The following KCNJ6 variants were observed in gnomAD, a reference collection of about 807,000 sequenced individuals.
KCNJ6 encodes the protein G protein-activated inward rectifier potassium channel 2.
A neutral mutation model predicts 34.2 loss-of-function variants in KCNJ6; 9 were observed. The observed-to-expected ratio is 0.26, with a 90% CI of 0.16 to 0.46. The LOEUF (loss-of-function observed/expected upper bound fraction) is 0.46, where lower values mean the gene tolerates loss of function less well. Among genes scored for constraint, KCNJ6 ranks in the 20% least tolerant of loss-of-function variants. The pLI is 1.00. For missense variants in KCNJ6, 236 were observed against 531.3 expected, an observed-to-expected ratio of 0.44 and a Z score of 5.46; for synonymous variants, 196 against 207.1, an observed-to-expected ratio of 0.95 and a Z score of 0.46.
At chr21:37,768,060 A>G (rs191834795) in intron 2 of KCNJ6, among the ~76,000 whole-genome samples, 1 of 151,118 alleles carries the variant, frequency 6.6e-6, no homozygotes, top group East Asian at 2.0e-4. Context: ...TTAAATTAAA[A>G]TACTGTAGGT....
intron 2 of KCNJ6, among the ~76,000 whole-genome samples, chr21:37,717,883 C>T (rs1230076686): frequency 6.6e-6 from 1 of 152,190 alleles, no homozygotes; most frequent in Non-Finnish European, 1.5e-5. Flanking sequence ...TCCTGCCTCC[C>T]CTCCATCTCC....
intron 1 of KCNJ6, among the ~76,000 whole-genome samples, chr21:37,908,101 C>T (rs1000578924): frequency 8.5e-5 from 13 of 152,178 alleles, no homozygotes; most frequent in Admixed American, 5.9e-4. Flanking sequence ...ATAATGTTTT[C>T]CCCTGCATGA....
intron 2 of KCNJ6, among the ~76,000 whole-genome samples, chr21:37,793,545 C>CCA (rs1183859129): frequency 1.5e-4 from 3 of 19,898 alleles, no homozygotes; most frequent in South Asian, 1.9e-3. Flanking sequence ...GACTCCATCT[C>CCA]AAAAAAAAAA....
At chr21:37,792,681 G>C (rs1037032753) in intron 2 of KCNJ6, among the ~76,000 whole-genome samples, 1 of 152,128 alleles carries the variant, frequency 6.6e-6, no homozygotes, top group African/African-American at 2.4e-5. Context: ...GGGAGTCTCA[G>C]CCAGGGTAAG....
intron 2 of KCNJ6, among the ~76,000 whole-genome samples, chr21:37,797,869 A>C (rs1468023206): frequency 6.6e-6 from 1 of 152,170 alleles, no homozygotes; most frequent in Non-Finnish European, 1.5e-5. Context: ...AATGAAGGGA[A>C]ATGGGTCCAG....
At chr21:37,773,107 T>C (rs62221963) in intron 2 of KCNJ6, among the ~76,000 whole-genome samples, 25,172 of 152,224 alleles carry the variant, frequency 0.17, 2,706 homozygotes, top group South Asian at 0.25. Flanking sequence ...CTGTGGCCTG[T>C]ATACAGTAGG....
chr21:37,711,050 G>C (rs1301065601), intron 3 of KCNJ6, among the ~76,000 whole-genome samples: 1 of 152,222 alleles, frequency 6.6e-6, no homozygotes. Context: ...GGGCTGTTCT[G>C]CGTGGGCATG....
chr21:37,914,193 T>A (rs2055882337), intron 1 of KCNJ6, among the ~76,000 whole-genome samples: 1 of 152,148 alleles, frequency 6.6e-6, no homozygotes, highest in African/African-American at 2.4e-5. Flanking sequence ...ATGGATGATT[T>A]GCAAGCTTCT....
chr21:37,667,312 A>T (rs2054519435), intron 3 of KCNJ6, among the ~76,000 whole-genome samples: 1 of 152,014 alleles, frequency 6.6e-6, no homozygotes, highest in African/African-American at 2.4e-5. Context: ...GAATTGGAGA[A>T]TTCTCTACTG....
At chr21:37,848,043 G>C (rs1049192562) in intron 1 of KCNJ6, among the ~76,000 whole-genome samples, 1 of 152,208 alleles carries the variant, frequency 6.6e-6, no homozygotes, top group Non-Finnish European at 1.5e-5. Flanking sequence ...AGAAGAGCAG[G>C]AGGCTGGCAT....
chr21:37,849,220 C>T (rs968485262), intron 1 of KCNJ6, among the ~76,000 whole-genome samples: 3 of 152,168 alleles, frequency 2.0e-5, no homozygotes, highest in Admixed American at 1.3e-4. Flanking sequence ...TCCCTAGCTT[C>T]CCAGGACTCA....
At chr21:37,745,489 T>C (rs2054963352) in intron 2 of KCNJ6, among the ~76,000 whole-genome samples, 1 of 151,942 alleles carries the variant, frequency 6.6e-6, no homozygotes, top group South Asian at 2.1e-4. Flanking sequence ...GCCTGTAGAA[T>C]CTGGGAAAGG....
In KCNJ6 at chr21:37,727,559, A is replaced by G. The variant is rs148764451; in HGVS notation, c.26-12428T>C. Among the ~76,000 whole-genome samples the G allele has an allele frequency of 1.2e-4, 18 of 152,208 alleles. No homozygotes were observed. In the East Asian group the frequency reaches 3.1e-3, roughly 26 times the overall value. ...TTTTGAATACTTTTACATGTTGAGAAGGAGCCAAAAGGGTTTAGGTTGATG... is the reference window on the plus strand; with the variant it reads ...TTTTGAATACTTTTACATGTTGAGAGGGAGCCAAAAGGGTTTAGGTTGATG... On this transcript the variant is annotated intron_variant, in intron 2 of 3. Transcript: ENST00000609713.
chr21:37,832,385 C>T (rs1013615305), intron 2 of KCNJ6, among the ~76,000 whole-genome samples: 8 of 151,838 alleles, frequency 5.3e-5, no homozygotes, highest in East Asian at 1.9e-4. Context: ...AGCTCTGCCC[C>T]GCGTGAGGTG....
Position 37,617,289 on chromosome 21 carries a change from G to A in KCNJ6, c.*7870C>T. On this transcript the variant is annotated 3_prime_UTR_variant, in exon 4 of 4. Transcript: ENST00000609713. ...GCTGGAGTGCAGTGGCATGATCTCA[G>A]CTTACTGCAACCTCCCCCTCCCAAG... 6.6e-6 allele frequency: 1 copy of A among 150,852 alleles called. No individual in the cohort carries two copies. The allele number at this position is 150,852 out of a possible 1,614,324, so 9.3% of individuals were successfully genotyped here. A position where few individuals can be genotyped will look rare whatever the true frequency, so the allele number is the denominator to read the frequency against.
At chr21:37,669,268 C>A (rs2123406321) in intron 3 of KCNJ6, among the ~76,000 whole-genome samples, 1 of 152,290 alleles carries the variant, frequency 6.6e-6, no homozygotes, top group South Asian at 2.1e-4. Flanking sequence ...TTATACCTCA[C>A]ATGTATTGAT....
intron 1 of KCNJ6, among the ~76,000 whole-genome samples, chr21:37,904,796 G>A (rs555655811): frequency 6.6e-6 from 1 of 152,154 alleles, no homozygotes; most frequent in Admixed American, 6.5e-5. Flanking sequence ...AGAAAAAAAG[G>A]AGTCTTGTCT....
At chr21:37,818,460 C>T (rs564057661) in intron 2 of KCNJ6, among the ~76,000 whole-genome samples, 15 of 134,226 alleles carry the variant, frequency 1.1e-4, no homozygotes, top group Admixed American at 3.1e-4. Context: ...TAGCGGCACC[C>T]GAATGATGAA....
At chr21:37,880,349 C>A (rs1328850891) in intron 1 of KCNJ6, among the ~76,000 whole-genome samples, 1 of 152,238 alleles carries the variant, frequency 6.6e-6, no homozygotes, top group East Asian at 1.9e-4. Context: ...CTCACCTCTG[C>A]AGAGAAACAT....
Sources: allele counts gnomAD v4.1 joint callset (sites outside exome capture counted in the v4.1 genomes callset), GRCh38; gene constraint gnomAD v4.1.1; transcripts MANE v1.5; gene names NCBI Gene and HGNC (gene_info 2026-07-23, HGNC 2026-07-21).